The following GEN1 variants were observed in gnomAD, a reference collection of about 807,000 sequenced individuals.
The protein encoded by GEN1 is flap endonuclease GEN homolog 1.
GEN1 carries 64 observed loss-of-function variants against 67.6 expected under a neutral mutation model. The ratio of observed to expected loss-of-function variants is 0.95; its 90% CI spans 0.77 to 1.17. The LOEUF (loss-of-function observed/expected upper bound fraction) is 1.17, where lower values mean the gene tolerates loss of function less well. GEN1 is among the 50% of genes most tolerant of loss of function. The pLI is 0.00. For missense variants in GEN1, 1,058 were observed against 1,048.3 expected (o/e 1.01, Z -0.13); for synonymous variants, 371 against 359.4 (o/e 1.03, Z -0.37).
In GEN1 at chr2:17,780,619, A is replaced by G; in HGVS notation, c.1409-2A>G. 6.6e-7 allele frequency: 1 copy of G among 1,526,274 alleles called. No homozygotes were observed. Among genetic ancestry groups the G allele is most frequent in the Admixed American group, 2.2e-5 (1 of 44,808 alleles). 94.5% of individuals were successfully genotyped at this position (1,526,274 alleles called of 1,614,324 possible). On this transcript the variant is annotated splice_acceptor_variant, in intron 13 of 13. Transcript: ENST00000381254. LOFTEE classifies it high-confidence loss of function. ...GATTATATGTATTTTTTTTCTTTTC[A>G]GGTATTAAGCCTAAAGAAAACAATT...
chr2:17,773,426 C>T (rs187568894), intron 10 of GEN1, 127 bp downstream of exon 10: 17 of 603,690 alleles, frequency 2.8e-5, no homozygotes, highest in Non-Finnish European at 4.4e-5. Context: ...ATTTTTTCAG[C>T]ATTTATTTCT....
chr2:17,753,968 G>T (rs1003430371), upstream of GEN1: 5 of 152,382 alleles, frequency 3.3e-5, no homozygotes, highest in Non-Finnish European at 1.5e-5. Flanking sequence ...CTCGGGGGAG[G>T]TGAGTGATTT....
chr2:17,754,411 TGGCTTAC>T (rs1671294006), intron 1 of GEN1, 66 bp downstream of exon 1: 1 of 152,328 alleles, frequency 6.6e-6, no homozygotes, highest in East Asian at 1.9e-4. Flanking sequence ...TTTGACCATC[TGGCTTAC>T]GGACGAGCTC....
intron 1 of GEN1, among the ~76,000 whole-genome samples, chr2:17,757,024 G>T (rs1671462644): frequency 6.6e-6 from 1 of 152,160 alleles, no homozygotes; most frequent in Non-Finnish European, 1.5e-5. Context: ...AAAATATTAT[G>T]ATGTTCTTTC....
At chr2:17,766,387 C>T (rs972354307) in intron 4 of GEN1, among the ~76,000 whole-genome samples, 192 bp from the exon 5 acceptor site, 1 of 152,166 alleles carries the variant, frequency 6.6e-6, no homozygotes, top group African/African-American at 2.4e-5. Context: ...CCAGGCTGGT[C>T]TCAAACTCCT....
At chr2:17,770,662 A>G (rs1193768015) in intron 6 of GEN1, among the ~76,000 whole-genome samples, 1 of 152,098 alleles carries the variant, frequency 6.6e-6, no homozygotes, top group East Asian at 1.9e-4. Flanking sequence ...TGAAGCAGGT[A>G]ATGTTTTGCT....
Position 17,781,927 on chromosome 2 carries a change from C to A in GEN1, c.2715C>A (p.Phe905Leu). 2 of 1,540,494 alleles carry A rather than the reference C, an allele frequency of 1.3e-6. No individual in the cohort carries two copies. The highest frequency in any genetic ancestry group is 1.7e-6 in the Non-Finnish European group (2 of 1,145,174). ...LPLRQRLKLR[F>L]QST ...TACGCCAGAGATTAAAACTAAGATT[C>A]CAAAGCACTTGAAATTTAAAACACT... Residue 905 changes from phenylalanine to leucine, a missense_variant, in exon 14 of 14, where the codon TTC becomes TTA. Coordinates refer to ENST00000381254, the MANE Select transcript of GEN1 (RefSeq NM_001130009.3).
At chr2:17,771,912 T>C (rs1672209111) in intron 7 of GEN1, among the ~76,000 whole-genome samples, 1 of 151,988 alleles carries the variant, frequency 6.6e-6, no homozygotes, top group Non-Finnish European at 1.5e-5. Flanking sequence ...GTTGTCTTAA[T>C]ATATTTTTAT....
chr2:17,787,931 A>G lies in GEN1; in HGVS notation c.*5992A>G, dbSNP rs1205467634. 6.6e-6 allele frequency: 1 copy of G among 152,074 alleles called. No individual in the cohort carries two copies. Among genetic ancestry groups the G allele is most frequent in the Non-Finnish European group, 1.5e-5 (1 of 68,120 alleles). 9.4% of individuals were successfully genotyped at this position (152,074 alleles called of 1,614,324 possible). A position where few individuals can be genotyped will look rare whatever the true frequency, so the allele number is the denominator to read the frequency against. On this transcript the variant is annotated 3_prime_UTR_variant, in exon 14 of 14. Transcript: ENST00000381254. The stretch of plus-strand genomic sequence containing the variant: ...AAGAGCGAAACTCCATCTAAACAAA[A>G]GAAAAAAGAAAGTGTTCAGTGAATG...
chr2:17,755,125 A>G (rs1671354886), intron 1 of GEN1: 1 of 152,232 alleles, frequency 6.6e-6, no homozygotes, highest in African/African-American at 2.4e-5. Context: ...CATATATATT[A>G]TATTCCTACT....
rs1190484979 is a variant in GEN1 at position 17,771,275 on chromosome 2, T to A, written c.790T>A (p.Cys264Ser). The A allele has an allele frequency of 1.3e-6, 2 of 1,598,444 alleles. No individual in the cohort carries two copies. Among genetic ancestry groups the A allele is most frequent in the South Asian group, 2.2e-5 (2 of 90,736 alleles). Residue 264 changes from cysteine (C) to serine (S), a missense_variant, in exon 7 of 14, where the codon TGT becomes AGT. By Grantham distance (112) the Cys-to-Ser change is moderately radical. Coordinates refer to ENST00000381254, the MANE Select transcript of GEN1 (RefSeq NM_001130009.3). ...VTKKLAHCSV[C>S]SHPGSPKDHE... ...TAAAAAACTGGCTCATTGTTCCGTA[T>A]GTTCCCATCCAGGTAAGGAGACATA...
At chr2:17,774,101 C>T (rs1350722281) in intron 10 of GEN1, among the ~76,000 whole-genome samples, 170 bp from the exon 11 acceptor site, 1 of 152,068 alleles carries the variant, frequency 6.6e-6, no homozygotes, top group Non-Finnish European at 1.5e-5. Flanking sequence ...CACTCTTAAT[C>T]ATTATGCAAT....
chr2:17,754,002 T>G (rs962449264), upstream of GEN1: 1 of 152,218 alleles, frequency 6.6e-6, no homozygotes, highest in African/African-American at 2.4e-5. Flanking sequence ...GGAAAGATAA[T>G]TGAGCGCCCC....
intron 6 of GEN1, among the ~76,000 whole-genome samples, 199 bp downstream of exon 6, chr2:17,769,010 C>T (rs1672059227): frequency 6.6e-6 from 1 of 151,878 alleles, no homozygotes; most frequent in South Asian, 2.1e-4. Context: ...ATGTTCCAAG[C>T]CGTATTGCAT....
chr2:17,776,089 C>T (rs980676344), intron 11 of GEN1, among the ~76,000 whole-genome samples: 9 of 124,888 alleles, frequency 7.2e-5, no homozygotes, highest in African/African-American at 1.9e-4. Context: ...GCACTCCAAA[C>T]TTGGTGACAG....
At chr2:17,780,195 T>C (rs1672758303) in intron 13 of GEN1, 74 bp downstream of exon 13, 6 of 1,167,854 alleles carry the variant, frequency 5.1e-6, no homozygotes, top group Non-Finnish European at 7.4e-6. Context: ...TGTTTGAATC[T>C]GCTGTGTCTA....
Position 17,760,036 on chromosome 2 carries a change from G to GA in GEN1, c.94dup (p.Ser32LysfsTer6). On this transcript the variant is annotated frameshift_variant, in exon 2 of 14. Coordinates refer to ENST00000381254, the MANE Select transcript of GEN1 (RefSeq NM_001130009.3). LOFTEE classifies it high-confidence loss of function. ...GTGGGAAAACCATTGCAGTTGATCT[G>GA]AGTCTCTGGGTGTGTGAGGCACAGA... 1 of 1,614,112 alleles carries GA rather than the reference G, an allele frequency of 6.2e-7. No individual in the cohort carries two copies. The highest frequency in any genetic ancestry group is 1.3e-5 in the African/African-American group (1 of 75,016).
Position 17,774,386 on chromosome 2 carries a change from A to G in GEN1, c.1187A>G (p.Gln396Arg). The G allele has an allele frequency of 6.9e-6, 11 of 1,601,938 alleles. No homozygotes were observed. Among genetic ancestry groups the G allele is most frequent in the Non-Finnish European group, 9.4e-6 (11 of 1,173,792 alleles). The part of the protein sequence containing the change: ...ERKLGSRNSN[Q>R]LQPIRIVKTR... ...AAGCTTGGTAGCAGAAACTCTAATC[A>G]ACTACAGCCAATTCGGTAATGTAAA... Residue 396 changes from glutamine to arginine, a missense_variant, in exon 11 of 14, where the codon CAA (glutamine) becomes CGA (arginine). Gln to Arg is a conservative substitution (Grantham distance 43). Transcript: ENST00000381254.
chr2:17,775,124 G>T (rs892121009), intron 11 of GEN1, among the ~76,000 whole-genome samples: 1 of 152,176 alleles, frequency 6.6e-6, no homozygotes, highest in Non-Finnish European at 1.5e-5. Flanking sequence ...TATGCAAGGG[G>T]TGGGTGTGGT....
Sources: gnomAD v4.1 joint callset for allele counts (sites outside exome capture counted in the v4.1 genomes callset) on GRCh38, gnomAD v4.1.1 for gene constraint, MANE v1.5 for transcripts, NCBI Gene and HGNC (gene_info 2026-07-23, HGNC 2026-07-21) for gene names.